Variants in TAGLN3 observed in about 807,000 individuals in gnomAD.
TAGLN3 encodes the protein transgelin 3.
A neutral mutation model predicts 25.4 loss-of-function variants in TAGLN3; 12 were observed. The observed-to-expected ratio is 0.47, with a 90% CI of 0.30 to 0.77. The LOEUF (loss-of-function observed/expected upper bound fraction) is 0.77, where lower values mean the gene tolerates loss of function less well. Among genes scored for constraint, TAGLN3 ranks in the 30% least tolerant of loss-of-function variants. The pLI, the probability that TAGLN3 is intolerant of heterozygous loss-of-function variation, is 0.06. For synonymous variants in TAGLN3, 96 were observed against 94.8 expected (o/e 1.01, Z -0.08); for missense variants, 218 against 255.8 (o/e 0.85, Z 1.01).
intron 2 of TAGLN3, 59 bp from the exon 3 acceptor site, chr3:112,000,713 A>G: frequency 1.3e-6 from 2 of 1,562,248 alleles, no homozygotes; most frequent in Non-Finnish European, 1.7e-6. Context: ...TTCACTTCTC[A>G]TTCTTGACCT....
At chr3:112,005,291 A>G (rs2072904166) in intron 3 of TAGLN3, among the ~76,000 whole-genome samples, 1 of 152,022 alleles carries the variant, frequency 6.6e-6, no homozygotes, top group Admixed American at 6.6e-5. Flanking sequence ...TTTCCCCCCC[A>G]CACTATTAGT....
intron 2 of TAGLN3, 75 bp from the exon 3 acceptor site, chr3:112,000,697 G>A: frequency 1.3e-6 from 2 of 1,501,348 alleles, no homozygotes; most frequent in Non-Finnish European, 9.1e-7. Context: ...TCCCACGTGA[G>A]CAGGATTCAC....
At chr3:112,002,209 A>G (rs551813919) in intron 3 of TAGLN3, among the ~76,000 whole-genome samples, 13 of 152,362 alleles carry the variant, frequency 8.5e-5, no homozygotes, top group African/African-American at 3.1e-4. Context: ...TAGCTAATAC[A>G]GATAGCTACA....
chr3:112,010,644 G>T (rs976232839), intron 3 of TAGLN3, among the ~76,000 whole-genome samples: 1 of 152,100 alleles, frequency 6.6e-6, no homozygotes, highest in African/African-American at 2.4e-5. Flanking sequence ...CCTTGAGTCT[G>T]GGGGACTATC....
chr3:112,001,367 G>C (rs2072857743), intron 3 of TAGLN3, among the ~76,000 whole-genome samples: 1 of 152,204 alleles, frequency 6.6e-6, no homozygotes, highest in African/African-American at 2.4e-5. Context: ...GAAATAGATA[G>C]CACTCCAACC....
At chr3:112,007,275 T>G (rs1393618218) in intron 3 of TAGLN3, among the ~76,000 whole-genome samples, 1 of 152,172 alleles carries the variant, frequency 6.6e-6, no homozygotes, top group Non-Finnish European at 1.5e-5. Flanking sequence ...AAATACATAG[T>G]TTACATTAGG....
rs2107718306 is a variant in TAGLN3 at position 111,999,614 on chromosome 3, A to C, written c.180+12A>C. 1 of 1,610,480 alleles carries C rather than the reference A, an allele frequency of 6.2e-7. No homozygotes were observed. Among genetic ancestry groups the C allele is most frequent in the South Asian group, 1.1e-5 (1 of 91,004 alleles). On this transcript the variant is annotated intron_variant, in intron 2 of 4. Transcript: ENST00000478951. Reference sequence around the variant, plus strand: ...TAATGGACGGGACGGTAAGGCCGGCAGCGATCTCGGTTGCTGGGGCGGTGG... The same window carrying C: ...TAATGGACGGGACGGTAAGGCCGGCCGCGATCTCGGTTGCTGGGGCGGTGG...
intron 3 of TAGLN3, among the ~76,000 whole-genome samples, chr3:112,007,471 T>G (rs929934637): frequency 2.0e-5 from 3 of 152,356 alleles, no homozygotes; most frequent in Admixed American, 2.0e-4. Context: ...TTTTCTAGTA[T>G]GTCATAAAGT....
intron 3 of TAGLN3, among the ~76,000 whole-genome samples, chr3:112,002,693 C>G (rs1231016452): frequency 6.8e-6 from 1 of 146,422 alleles, no homozygotes; most frequent in African/African-American, 2.5e-5. Flanking sequence ...GAGGAAGAAG[C>G]CAGGAGGTCT....
chr3:112,002,174 C>T (rs62280160), intron 3 of TAGLN3, among the ~76,000 whole-genome samples: 3 of 152,100 alleles, frequency 2.0e-5, no homozygotes, highest in African/African-American at 7.2e-5. Flanking sequence ...CTTGCTTCCT[C>T]GATCAAAACT....
At chr3:112,006,892 C>T (rs1192092565) in intron 3 of TAGLN3, among the ~76,000 whole-genome samples, 1 of 152,146 alleles carries the variant, frequency 6.6e-6, no homozygotes, top group Non-Finnish European at 1.5e-5. Context: ...ACCTCCAGTC[C>T]TACTCCCCAG....
chr3:112,006,471 G>A (rs1362214139), intron 3 of TAGLN3, among the ~76,000 whole-genome samples: 1 of 152,136 alleles, frequency 6.6e-6, no homozygotes, highest in Non-Finnish European at 1.5e-5. Flanking sequence ...TTGGAAGCTA[G>A]GCCAAAGTTA....
chr3:112,000,356 A>G (rs774765), intron 2 of TAGLN3, among the ~76,000 whole-genome samples: 23 of 152,200 alleles, frequency 1.5e-4, no homozygotes, highest in African/African-American at 5.5e-4. Flanking sequence ...TTGCCTTTTG[A>G]TAGAAGAAAT....
chr3:112,003,973 C>A (rs150554797), intron 3 of TAGLN3, among the ~76,000 whole-genome samples: 1 of 152,304 alleles, frequency 6.6e-6, no homozygotes. Context: ...TTAATCCCCC[C>A]AGGTGAAATA....
In TAGLN3 at chr3:112,013,744, G is replaced by C. The variant is rs1166396651; in HGVS notation, c.*193G>C. ...CCACCTCCTGTTCATTTAGAACTAT[G>C]CAAAGACTCCGCTTCCGTTTTCCTG... On this transcript the variant is annotated 3_prime_UTR_variant, in exon 5 of 5. Transcript: ENST00000478951. The C allele has an allele frequency of 1.3e-6, 1 of 762,984 alleles. No homozygotes were observed. The allele number at this position is 762,984 out of a possible 1,614,324, so 47.3% of individuals were successfully genotyped here.
At chr3:112,011,113 G>T (rs181227948) in intron 3 of TAGLN3, among the ~76,000 whole-genome samples, 180 of 152,306 alleles carry the variant, frequency 1.2e-3, no homozygotes, top group Non-Finnish European at 1.6e-3. Flanking sequence ...CACCCCCTCA[G>T]TAGCATCTTC....
intron 3 of TAGLN3, among the ~76,000 whole-genome samples, chr3:112,008,239 G>C (rs1358059086): frequency 1.3e-5 from 2 of 152,142 alleles, no homozygotes; most frequent in African/African-American, 2.4e-5. Flanking sequence ...AATTTTGAAG[G>C]CTTTGTCATT....
intron 3 of TAGLN3, among the ~76,000 whole-genome samples, chr3:112,001,580 C>A (rs1340222941): frequency 6.6e-6 from 1 of 152,160 alleles, no homozygotes; most frequent in Non-Finnish European, 1.5e-5. Context: ...GGAGACACTG[C>A]CAGAGAATTT....
chr3:112,012,984 A>C (rs1190667709), intron 4 of TAGLN3, among the ~76,000 whole-genome samples: 3 of 152,194 alleles, frequency 2.0e-5, no homozygotes, highest in African/African-American at 7.2e-5. Context: ...AAGAAGAAGC[A>C]GGCTTCTTCT....
Sources: gnomAD v4.1 joint callset for allele counts (sites outside exome capture counted in the v4.1 genomes callset) on GRCh38, gnomAD v4.1.1 for gene constraint, MANE v1.5 for transcripts, NCBI Gene and HGNC (gene_info 2026-07-23, HGNC 2026-07-21) for gene names.